PSMA8: variants seen among roughly 807,000 people sequenced by gnomAD.
The protein encoded by PSMA8 is proteasome 20S subunit alpha 8, also known as proteasome subunit alpha-type 8.
PSMA8 carries 18 observed loss-of-function variants against 32.4 expected under a neutral mutation model. The observed-to-expected ratio is 0.56, with a 90% CI of 0.38 to 0.82. The LOEUF is 0.82. PSMA8 is among the 40% of genes least tolerant of loss of function. The probability of loss-of-function intolerance (pLI) is 0.00; values close to 1 mark genes in which losing one functional copy is unlikely to be tolerated. For synonymous variants in PSMA8, 104 were observed against 98.1 expected (o/e 1.06, Z -0.36); for missense variants, 298 against 300.7 (o/e 0.99, Z 0.07).
chr18:26,136,244 T>TTTAACAAA (rs2054910678), intron 1 of PSMA8, among the ~76,000 whole-genome samples: 1 of 152,242 alleles, frequency 6.6e-6, no homozygotes, highest in South Asian at 2.1e-4. Context: ...TTAAATAACA[T>TTTAACAAA]TTTGGAGAAG....
intron 4 of PSMA8, among the ~76,000 whole-genome samples, chr18:26,161,787 G>A (rs530329056): frequency 6.6e-6 from 1 of 152,286 alleles, no homozygotes; most frequent in South Asian, 2.1e-4. Context: ...ATAGGTGGGA[G>A]AGCTGACAGA....
chr18:26,142,999 T>C (rs2054971614), intron 1 of PSMA8, among the ~76,000 whole-genome samples: 1 of 152,344 alleles, frequency 6.6e-6, no homozygotes, highest in Non-Finnish European at 1.5e-5. Context: ...GAATTTTATC[T>C]ATTTAACTTT....
intron 2 of PSMA8, among the ~76,000 whole-genome samples, chr18:26,151,185 A>C (rs1467885146): frequency 2.0e-5 from 3 of 152,220 alleles, no homozygotes; most frequent in Non-Finnish European, 4.4e-5. Context: ...AAGACCAGTG[A>C]TTTTGTTAGA....
chr18:26,143,616 G>T lies in PSMA8; in HGVS notation c.103-943G>T, dbSNP rs575516422. Among the ~76,000 whole-genome samples the T allele has an allele frequency of 5.3e-5, 8 of 152,302 alleles. No homozygotes were observed. The South Asian group carries it at 1.7e-3, about 32-fold the overall frequency. ...TTTGAACTGAATGGTGGTAGGAGAT[G>T]CTCTTTAAAATTTTTGCTTTGCAAA... On this transcript the variant is annotated intron_variant, in intron 1 of 6. Transcript: ENST00000415576.
At chr18:26,136,251 G>C (rs2054910780) in intron 1 of PSMA8, among the ~76,000 whole-genome samples, 1 of 152,168 alleles carries the variant, frequency 6.6e-6, no homozygotes, top group South Asian at 2.1e-4. Context: ...ACATTTTGGA[G>C]AAGTAATACC....
intron 4 of PSMA8, among the ~76,000 whole-genome samples, chr18:26,171,562 C>T (rs1206336411): frequency 6.6e-6 from 1 of 152,080 alleles, no homozygotes; most frequent in African/African-American, 2.4e-5. Context: ...GGCGAAACCC[C>T]GTCTCTACTA....
At position 26,134,958 on chromosome 18, in the gene PSMA8, A is replaced by G. The variant is rs531171014; in HGVS notation, c.102+891A>G. Among the ~76,000 whole-genome samples, 811 of 105,540 alleles carry G rather than the reference A, an allele frequency of 7.7e-3. 6 individuals carry two copies. Among genetic ancestry groups the G allele is most frequent in the African/African-American group, 0.031 (730 of 23,260 alleles). The allele number at this position is 105,540 out of a possible 152,430, so 69.2% of individuals were successfully genotyped here. A position where few individuals can be genotyped will look rare whatever the true frequency, so the allele number is the denominator to read the frequency against. ...AACAAAAGCGAAACTCCGTCTCGGG[A>G]AAAAAAAAAAAAATCCCAAAATTGT... is the stretch of plus-strand genomic sequence containing the variant. On this transcript the variant is annotated intron_variant, in intron 1 of 6. Coordinates refer to ENST00000415576, the MANE Select transcript of PSMA8 (RefSeq NM_001025096.2).
At chr18:26,191,857 C>T (rs2055405923) in intron 6 of PSMA8, among the ~76,000 whole-genome samples, 1 of 152,066 alleles carries the variant, frequency 6.6e-6, no homozygotes, top group Non-Finnish European at 1.5e-5. Flanking sequence ...AAAATAAAAC[C>T]TTTTTTGCTT....
At position 26,181,478 on chromosome 18, in the gene PSMA8, G is replaced by A. The variant is rs185839374; in HGVS notation, c.660+2348G>A. ...GATAAGGGCCTCTAAGTGTTCAAGT[G>A]AAAGGAAGAGTCTCATGTCTGTCAC... On this transcript the variant is annotated intron_variant, in intron 6 of 6. Transcript: ENST00000415576. 2.5e-3 allele frequency among the ~76,000 whole-genome samples: 383 copies of A among 152,232 alleles called. 1 individual carries two copies. The highest frequency in any genetic ancestry group is 3.0e-3 in the Non-Finnish European group (202 of 68,020).
At chr18:26,150,740 G>A (rs1304824952) in intron 2 of PSMA8, among the ~76,000 whole-genome samples, 2 of 151,864 alleles carry the variant, frequency 1.3e-5, no homozygotes, top group Non-Finnish European at 2.9e-5. Context: ...TTTTTTCCTC[G>A]AATCAATTAT....
At position 26,168,066 on chromosome 18, in the gene PSMA8, T is replaced by G. The variant is rs1243605390; in HGVS notation, c.477+9822T>G. ...CTTCATGGGTTTTTCCAAATTATTG[T>G]TTTTTTTTAGTTTTTCAAGTGAATG... On this transcript the variant is annotated intron_variant, in intron 4 of 6. Transcript: ENST00000415576. Among the ~76,000 whole-genome samples the G allele has an allele frequency of 5.3e-4, 58 of 109,178 alleles. 4 individuals are homozygous for G. Among genetic ancestry groups the G allele is most frequent in the Non-Finnish European group, 7.2e-4 (44 of 61,224 alleles). The allele number at this position is 109,178 out of a possible 152,430, so 71.6% of individuals were successfully genotyped here. A position where few individuals can be genotyped will look rare whatever the true frequency, so the allele number is the denominator to read the frequency against.
At chr18:26,149,708 G>T (rs748398307) in intron 2 of PSMA8, among the ~76,000 whole-genome samples, 1 of 152,106 alleles carries the variant, frequency 6.6e-6, no homozygotes, top group Non-Finnish European at 1.5e-5. Context: ...TAAACAAATG[G>T]TGCAGGGGAA....
At chr18:26,156,966 G>A (rs2055094775) in intron 3 of PSMA8, among the ~76,000 whole-genome samples, 2 of 150,582 alleles carry the variant, frequency 1.3e-5, no homozygotes, top group South Asian at 4.2e-4. Flanking sequence ...TTTTATTTTT[G>A]TAGAGACAGG....
chr18:26,179,923 G>GA lies in PSMA8; in HGVS notation c.660+804dup, dbSNP rs1345764961. On this transcript the variant is annotated intron_variant, in intron 6 of 6. Transcript: ENST00000415576. ...AAGGTAACAAGACCCCCATCTCTAT[G>GA]AAAAAAAAAAATTAAAAATTAAATT... Among the ~76,000 whole-genome samples, 846 of 132,740 alleles carry GA rather than the reference G, an allele frequency of 6.4e-3. 10 individuals are homozygous for GA. Among genetic ancestry groups the GA allele is most frequent in the Non-Finnish European group, 9.3e-3 (581 of 62,186 alleles). The allele number at this position is 132,740 out of a possible 152,430, so 87.1% of individuals were successfully genotyped here.
Position 26,192,823 on chromosome 18 carries a change from C to T in PSMA8, c.*412C>T, listed in dbSNP as rs2144370421. 1 of 152,294 alleles carries T rather than the reference C, an allele frequency of 6.6e-6. No homozygotes were observed. Among genetic ancestry groups the T allele is most frequent in the African/African-American group, 2.4e-5 (1 of 41,546 alleles). The allele number at this position is 152,294 out of a possible 1,614,324, so 9.4% of individuals were successfully genotyped here. A position where few individuals can be genotyped will look rare whatever the true frequency, so the allele number is the denominator to read the frequency against. On this transcript the variant is annotated 3_prime_UTR_variant, in exon 7 of 7. Coordinates refer to ENST00000415576, the MANE Select transcript of PSMA8 (RefSeq NM_001025096.2). ...ATAAACTAAATATAATATTGAGCTG[C>T]ATTTCTCAAAGAATGACAAAAGCAT... is the stretch of plus-strand genomic sequence containing the variant.
At chr18:26,184,983 G>A (rs1025945212) in intron 6 of PSMA8, among the ~76,000 whole-genome samples, 1 of 148,370 alleles carries the variant, frequency 6.7e-6, no homozygotes, top group Non-Finnish European at 1.5e-5. Context: ...AGCTATTCAG[G>A]GGGCTGAGGC....
intron 4 of PSMA8, among the ~76,000 whole-genome samples, chr18:26,173,009 G>A (rs1038756838): frequency 9.9e-5 from 15 of 152,220 alleles, no homozygotes; most frequent in African/African-American, 2.9e-4. Context: ...AAGGCCATGC[G>A]TTCTTGGCAC....
intron 4 of PSMA8, 49 bp downstream of exon 4, chr18:26,158,293 A>G (rs1156958750): frequency 1.3e-5 from 19 of 1,423,810 alleles, no homozygotes; most frequent in Non-Finnish European, 1.7e-5. Flanking sequence ...GTAAATATTC[A>G]ATGTAAATGC....
intron 3 of PSMA8, among the ~76,000 whole-genome samples, chr18:26,157,022 C>T (rs886714129): frequency 3.3e-5 from 5 of 150,958 alleles, no homozygotes; most frequent in Non-Finnish European, 5.9e-5. Flanking sequence ...TGGGCTCAAG[C>T]GATCTGCCTG....
Sources: gnomAD v4.1 joint callset for allele counts (sites outside exome capture counted in the v4.1 genomes callset) on GRCh38, gnomAD v4.1.1 for gene constraint, MANE v1.5 for transcripts, NCBI Gene and HGNC (gene_info 2026-07-23, HGNC 2026-07-21) for gene names.